The following PGM2 variants were observed in gnomAD, a reference collection of about 807,000 sequenced individuals.
PGM2 encodes phosphoglucomutase 2.
Under a neutral mutation model 74.6 loss-of-function variants are expected in PGM2, and 57 were observed. The ratio of observed to expected loss-of-function variants is 0.76; its 90% CI spans 0.62 to 0.95. The LOEUF (loss-of-function observed/expected upper bound fraction) is 0.95, where lower values mean the gene tolerates loss of function less well. Ranked by LOEUF, PGM2 falls within the 40% of genes least tolerant of loss-of-function variation. The pLI is 0.00. For synonymous variants in PGM2, 273 were observed against 260.7 expected (o/e 1.05, Z -0.46); for missense variants, 706 against 741.9 (o/e 0.95, Z 0.56).
intron 12 of PGM2, among the ~76,000 whole-genome samples, chr4:37,852,961 AAT>A (rs1309439632): frequency 6.6e-6 from 1 of 152,178 alleles, no homozygotes; most frequent in East Asian, 1.9e-4. Flanking sequence ...TTTTTAAAAT[AAT>A]CACCTCCCCT....
intron 4 of PGM2, among the ~76,000 whole-genome samples, chr4:37,839,090 G>A (rs1308864241): frequency 6.7e-6 from 1 of 150,318 alleles, no homozygotes; most frequent in Non-Finnish European, 1.5e-5. Flanking sequence ...GAACCTGTAA[G>A]AGCATTCTCC....
chr4:37,833,312 T>TA (rs1725482947), intron 2 of PGM2, among the ~76,000 whole-genome samples: 1 of 152,174 alleles, frequency 6.6e-6, no homozygotes, highest in Non-Finnish European at 1.5e-5. Context: ...TCCGAGCACT[T>TA]TAGGAGGCCA....
chr4:37,844,765 C>T (rs1228265605), intron 7 of PGM2, among the ~76,000 whole-genome samples: 2 of 151,962 alleles, frequency 1.3e-5, no homozygotes, highest in East Asian at 1.9e-4. Flanking sequence ...GTCAGGTGTT[C>T]GAGAACAGCC....
rs756496496 is a variant in PGM2 at position 37,850,290 on chromosome 4, C to T, written c.1519C>T (p.Pro507Ser). ...LRNYDGKNNYPKACGKFEISA... is the reference protein window; with the variant it reads ...LRNYDGKNNYSKACGKFEISA... ...AAACTACGATGGAAAAAATAATTAT[C>T]CAAAAGCTTGTGGCAAATTTGAAAT... The change falls in exon 12 of 14, where the codon CCA becomes TCA. Residue 507 changes from proline (P) to serine (S), a missense_variant. Physicochemically the swap from Pro to Ser is moderately conservative, Grantham distance 74. Around this residue, in one of 3 missense-constraint regions of PGM2, gnomAD observed 359 missense variants for 371.1 expected, o/e 0.97. Transcript: ENST00000381967. The T allele has an allele frequency of 2.5e-6, 4 of 1,592,056 alleles. 1 individual carries two copies. Among genetic ancestry groups the T allele is most frequent in the South Asian group, 2.3e-5 (2 of 86,478 alleles).
intron 1 of PGM2, 117 bp downstream of exon 1, chr4:37,826,930 T>TC: frequency 4.7e-6 from 3 of 641,298 alleles, no homozygotes; most frequent in South Asian, 1.9e-5. Context: ...ATCCCGCTTC[T>TC]CCCCCGGGAA....
At chr4:37,838,160 C>G (rs1419923221) in intron 4 of PGM2, among the ~76,000 whole-genome samples, 2 of 152,196 alleles carry the variant, frequency 1.3e-5, no homozygotes, top group African/African-American at 4.8e-5. Flanking sequence ...GGATTACAGG[C>G]ATGAGCCACC....
Position 37,855,646 on chromosome 4 carries a change from C to A in PGM2, c.1641C>A (p.Phe547Leu). ...PTSKSSQMIT[F>L]TFANGGVATM... ...GTAAAAGCAGCCAAATGATCACCTT[C>A]ACCTTTGCTAATGGAGGCGTGGCCA... is the stretch of plus-strand genomic sequence containing the variant. The change falls in exon 13 of 14, where the codon TTC becomes TTA. Residue 547 changes from phenylalanine (F) to leucine (L), a missense_variant. Coordinates refer to ENST00000381967, the MANE Select transcript of PGM2 (RefSeq NM_018290.4). 6.2e-7 allele frequency: 1 copy of A among 1,614,086 alleles called. No individual in the cohort carries two copies. Among genetic ancestry groups the A allele is most frequent in the Non-Finnish European group, 8.5e-7 (1 of 1,179,956 alleles).
chr4:37,848,580 T>C lies in PGM2; in HGVS notation c.1341T>C (p.Ser447=). ...DKDGVSAAVI[S]AELASFLATK... is the part of the protein sequence containing the mutation. Reference sequence around the variant, plus strand: ...ATGGAGTCAGTGCCGCTGTCATAAGTGCAGAGTTGGCTAGCTTCCTAGCAA... The same window carrying C: ...ATGGAGTCAGTGCCGCTGTCATAAGCGCAGAGTTGGCTAGCTTCCTAGCAA... The change falls in exon 11 of 14, where the codon AGT becomes AGC. Residue 447 remains serine (S), a synonymous_variant. Transcript: ENST00000381967. 1 of 1,613,746 alleles carries C rather than the reference T, an allele frequency of 6.2e-7. No individual in the cohort carries two copies. Among genetic ancestry groups the C allele is most frequent in the East Asian group, 2.2e-5 (1 of 44,882 alleles).
chr4:37,844,399 A>G lies in PGM2; in HGVS notation c.755A>G (p.His252Arg). 5 of 1,612,790 alleles carry G rather than the reference A, an allele frequency of 3.1e-6. No individual in the cohort carries two copies. The highest frequency in any genetic ancestry group is 4.2e-6 in the Non-Finnish European group (5 of 1,179,388). The stretch of plus-strand genomic sequence containing the variant: ...AGGGAGACAAAGGTGAAGTTTGTGC[A>G]CACCTCTGTCCATGGGGTGGGTCAT... The part of the protein sequence containing the change: ...VNRETKVKFV[H>R]TSVHGVGHSF... Residue 252 changes from histidine (H) to arginine (R), a missense_variant, in exon 7 of 14, where the codon CAC becomes CGC. Around this residue, in one of 3 missense-constraint regions of PGM2, gnomAD observed 332 missense variants for 334.9 expected, o/e 0.99. Coordinates refer to ENST00000381967, the MANE Select transcript of PGM2 (RefSeq NM_018290.4).
At chr4:37,839,804 T>A in intron 4 of PGM2, 44 bp from the exon 5 acceptor site, 1 of 1,109,006 alleles carries the variant, frequency 9.0e-7, no homozygotes, top group Non-Finnish European at 1.4e-6. Context: ...TATCTGGTTA[T>A]TTTCGTTAAA....
intron 1 of PGM2, among the ~76,000 whole-genome samples, chr4:37,827,252 C>T (rs1725317413): frequency 6.6e-6 from 1 of 152,214 alleles, no homozygotes; most frequent in South Asian, 2.1e-4. Flanking sequence ...CTTTGCAGAG[C>T]AGCGTTCTGG....
intron 13 of PGM2, among the ~76,000 whole-genome samples, chr4:37,858,490 C>T (rs1170567918): frequency 1.3e-5 from 2 of 150,272 alleles, no homozygotes; most frequent in Non-Finnish European, 2.9e-5. Flanking sequence ...ATATGCACCA[C>T]CACACCCAGC....
intron 6 of PGM2, among the ~76,000 whole-genome samples, chr4:37,843,330 AT>A (rs1430105908): frequency 1.2e-4 from 18 of 152,104 alleles, no homozygotes; most frequent in African/African-American, 4.3e-4. Context: ...TTACATATTT[AT>A]TTTCCAAGAT....
intron 13 of PGM2, among the ~76,000 whole-genome samples, chr4:37,859,156 T>C (rs962391490): frequency 1.3e-5 from 2 of 152,194 alleles, no homozygotes; most frequent in East Asian, 1.9e-4. Context: ...ATATATGTTA[T>C]GTATTTGAGA....
Position 37,840,202 on chromosome 4 carries a change from C to G in PGM2, c.662C>G (p.Pro221Arg), listed in dbSNP as rs770172003. The G allele has an allele frequency of 6.2e-7, 1 of 1,612,710 alleles. No homozygotes were observed. Among genetic ancestry groups the G allele is most frequent in the African/African-American group, 1.3e-5 (1 of 74,990 alleles). The change falls in exon 6 of 14, where the codon CCG becomes CGG. Residue 221 changes from proline to arginine, a missense_variant. Pro to Arg is a moderately radical substitution (Grantham distance 103). This residue lies in a region of PGM2 where 332 missense variants were observed against 334.9 expected (regional missense o/e 0.99). Transcript: ENST00000381967. ...GATAGCAGTCCACTTCTCCACAATC[C>G]GAGTGCTTCCATCAATAATGACTAC... Reference protein sequence around the residue: ...LIDSSPLLHNPSASINNDYFE... With the variant: ...LIDSSPLLHNRSASINNDYFE...
At position 37,850,291 on chromosome 4, in the gene PGM2, C is replaced by T. The variant is rs766867215; in HGVS notation, c.1520C>T (p.Pro507Leu). 2 of 1,591,486 alleles carry T rather than the reference C, an allele frequency of 1.3e-6. No homozygotes were observed. The highest frequency in any genetic ancestry group is 2.3e-5 in the South Asian group (2 of 86,348). ...LRNYDGKNNY[P>L]KACGKFEISA... ...AACTACGATGGAAAAAATAATTATCCAAAAGCTTGTGGCAAATTTGAAATT... is the reference window on the plus strand; with the variant it reads ...AACTACGATGGAAAAAATAATTATCTAAAAGCTTGTGGCAAATTTGAAATT... Residue 507 changes from proline (P) to leucine (L), a missense_variant, in exon 12 of 14, where the codon CCA becomes CTA. By Grantham distance (98) the Pro-to-Leu change is moderately conservative. Coordinates refer to ENST00000381967, the MANE Select transcript of PGM2 (RefSeq NM_018290.4).
chr4:37,841,092 A>ATGTGTGTGTG (rs571556915), intron 6 of PGM2, among the ~76,000 whole-genome samples: 1 of 111,660 alleles, frequency 9.0e-6, no homozygotes, highest in African/African-American at 5.0e-5. Flanking sequence ...ATATATATAT[A>ATGTGTGTGTG]TATATATATG....
At chr4:37,849,251 T>G (rs1217699582) in intron 11 of PGM2, among the ~76,000 whole-genome samples, 1 of 152,050 alleles carries the variant, frequency 6.6e-6, no homozygotes, top group Non-Finnish European at 1.5e-5. Context: ...CATCTATTCA[T>G]TTTTTTGTAG....
intron 6 of PGM2, among the ~76,000 whole-genome samples, chr4:37,841,188 G>GTGTGTGTGTGTGTGT (rs60419379): frequency 1.5e-4 from 21 of 141,200 alleles, no homozygotes; most frequent in South Asian, 2.2e-4. Flanking sequence ...GTGTGTGTGT[G>GTGTGTGTGTGTGTGT]GTTTGTTCTG....
Sources: gnomAD v4.1 joint callset for allele counts (sites outside exome capture counted in the v4.1 genomes callset) on GRCh38, gnomAD v4.1.1 for gene constraint, gnomAD v4.1.1 regional missense constraint, MANE v1.5 for transcripts, NCBI Gene and HGNC (gene_info 2026-07-23, HGNC 2026-07-21) for gene names.